Variants in AGTPBP1 observed in about 807,000 individuals in gnomAD.
AGTPBP1 encodes ATP/GTP binding carboxypeptidase 1, also known as cytosolic carboxypeptidase 1.
In AGTPBP1, 70 loss-of-function variants were observed where a neutral mutation model predicts 143.9. The observed-to-expected ratio is 0.49, with a 90% CI of 0.40 to 0.59. The LOEUF (loss-of-function observed/expected upper bound fraction) is 0.59, where lower values mean the gene tolerates loss of function less well. Among genes scored for constraint, AGTPBP1 ranks in the 20% least tolerant of loss-of-function variants. The probability of loss-of-function intolerance (pLI) is 0.00; values close to 1 mark genes in which losing one functional copy is unlikely to be tolerated. For synonymous variants in AGTPBP1, 463 were observed against 500.2 expected (o/e 0.93, Z 0.99); for missense variants, 1,229 against 1,464.5 (o/e 0.84, Z 2.62).
rs761584714 is a variant in AGTPBP1, at chr9:85,579,095, G to A, written c.3167C>T (p.Thr1056Ile). 5.7e-6 allele frequency: 9 copies of A among 1,588,748 alleles called. No homozygotes were observed. In the South Asian group the frequency reaches 9.3e-5, roughly 16 times the overall value. ...CDVVEDTGYRTLPKILSHIAP... is the reference protein window; with the variant it reads ...CDVVEDTGYRILPKILSHIAP... ...GATATGGCTCAGTATCTTAGGCAAT[G>A]TCTGTTAAAAACAAGAATGATGATG... The change falls in exon 24 of 26, where the codon ACA (threonine) becomes ATA (isoleucine). Residue 1056 changes from threonine to isoleucine, a missense_variant and splice_region_variant. Physicochemically the swap from Thr to Ile is moderately conservative, Grantham distance 89 (BLOSUM62 -1). Around this residue, in one of 2 missense-constraint regions of AGTPBP1, gnomAD observed 486 missense variants for 652.3 expected, o/e 0.75. Coordinates refer to ENST00000357081, the MANE Select transcript of AGTPBP1 (RefSeq NM_001330701.2).
intron 13 of AGTPBP1, among the ~76,000 whole-genome samples, chr9:85,639,155 A>G (rs1427846097): frequency 6.6e-6 from 1 of 152,156 alleles, no homozygotes; most frequent in Non-Finnish European, 1.5e-5. Context: ...AAAAGATTTA[A>G]AATTTTTTAT....
chr9:85,798,362 CTTT>C, the AGTPBP1 span, among the ~76,000 whole-genome samples: 3 of 119,282 alleles, frequency 2.5e-5, no homozygotes, highest in Non-Finnish European at 3.7e-5. Context: ...CCTCCAAGTT[CTTT>C]TTTTTTTTTT....
chr9:85,585,863 A>G (rs1282621526), intron 22 of AGTPBP1, among the ~76,000 whole-genome samples: 1 of 152,216 alleles, frequency 6.6e-6, no homozygotes, highest in Non-Finnish European at 1.5e-5. Context: ...AACACATTCC[A>G]TTATAGTTCA....
chr9:85,579,218 A>T, intron 23 of AGTPBP1, 122 bp from the exon 24 acceptor site: 1 of 937,610 alleles, frequency 1.1e-6, no homozygotes, highest in Non-Finnish European at 1.5e-6. Flanking sequence ...ATGTTCTATT[A>T]TATATCCCTT....
intron 1 of AGTPBP1, among the ~76,000 whole-genome samples, chr9:85,736,596 G>C (rs1210889329): frequency 6.6e-6 from 1 of 152,086 alleles, no homozygotes; most frequent in Non-Finnish European, 1.5e-5. Context: ...ACAAGAGACT[G>C]TCACTACCAC....
intron 2 of AGTPBP1, among the ~76,000 whole-genome samples, chr9:85,702,732 A>C (rs1205126726): frequency 6.6e-6 from 1 of 151,876 alleles, no homozygotes; most frequent in Non-Finnish European, 1.5e-5. Context: ...TAACTTGTAT[A>C]AGCTCCTATA....
chr9:85,644,604 TA>T (rs1025309180), intron 12 of AGTPBP1, among the ~76,000 whole-genome samples: 48 of 152,212 alleles, frequency 3.2e-4, no homozygotes, highest in African/African-American at 8.2e-4. Flanking sequence ...TACCACTCCT[TA>T]AAAGTTCTGC....
intron 1 of AGTPBP1, among the ~76,000 whole-genome samples, chr9:85,716,963 AG>A (rs1328198727): frequency 2.6e-5 from 4 of 152,302 alleles, no homozygotes; most frequent in Non-Finnish European, 1.5e-5. Context: ...CCAACATGCC[AG>A]GCTCTCACTT....
chr9:85,765,515 T>C, the AGTPBP1 span, among the ~76,000 whole-genome samples: 1 of 151,926 alleles, frequency 6.6e-6, no homozygotes, highest in Non-Finnish European at 1.5e-5. Context: ...GTTTTAGTTA[T>C]AGTTTTTTAA....
chr9:85,703,794 T>G (rs142037334), intron 2 of AGTPBP1, among the ~76,000 whole-genome samples: 85 of 152,290 alleles, frequency 5.6e-4, no homozygotes, highest in African/African-American at 1.9e-3. Flanking sequence ...GGACACTGTA[T>G]AGGTTAAAAG....
rs186777375 is a variant in AGTPBP1, at chr9:85,681,918, T to A, written c.158-583A>T. 4.0e-3 allele frequency among the ~76,000 whole-genome samples: 607 copies of A among 151,804 alleles called. 2 individuals are homozygous for A. The highest frequency in any genetic ancestry group is 5.7e-3 in the Non-Finnish European group (389 of 67,924). ...GTGTGTGCCACCATGCCCAGCTAAT[T>A]TTTGTATTTTTAGTAGAGACGGGGT... On this transcript the variant is annotated intron_variant, in intron 3 of 25. Coordinates refer to ENST00000357081, the MANE Select transcript of AGTPBP1 (RefSeq NM_001330701.2).
At chr9:85,721,119 G>A (rs946532123) in intron 1 of AGTPBP1, among the ~76,000 whole-genome samples, 2 of 152,178 alleles carry the variant, frequency 1.3e-5, no homozygotes, top group African/African-American at 4.8e-5. Context: ...GTGCAATGAG[G>A]TGCTGAAAAG....
At chr9:85,686,302 AAGG>A (rs1835484925) in intron 3 of AGTPBP1, among the ~76,000 whole-genome samples, 1 of 152,134 alleles carries the variant, frequency 6.6e-6, no homozygotes, top group Non-Finnish European at 1.5e-5. Context: ...GGAAAGCTTG[AAGG>A]GTTATACTAA....
the AGTPBP1 span, among the ~76,000 whole-genome samples, chr9:85,765,660 T>G: frequency 1.3e-5 from 2 of 152,134 alleles, no homozygotes; most frequent in Non-Finnish European, 1.5e-5. Flanking sequence ...GAATCTGAAC[T>G]TCCTCTGCAA....
At chr9:85,585,817 A>G (rs1409224341) in intron 22 of AGTPBP1, among the ~76,000 whole-genome samples, 3 of 152,228 alleles carry the variant, frequency 2.0e-5, no homozygotes, top group Non-Finnish European at 4.4e-5. Context: ...AAGGTCCTAT[A>G]TCATCTTTGT....
At chr9:85,747,580 G>T in the AGTPBP1 span, among the ~76,000 whole-genome samples, 1 of 152,014 alleles carries the variant, frequency 6.6e-6, no homozygotes, top group African/African-American at 2.4e-5. Context: ...TGTACCAGTA[G>T]TATTTTACCT....
At chr9:85,763,415 A>G in the AGTPBP1 span, among the ~76,000 whole-genome samples, 1 of 152,058 alleles carries the variant, frequency 6.6e-6, no homozygotes, top group Non-Finnish European at 1.5e-5. Context: ...GATTGAAAAG[A>G]TTTCCTGATA....
rs1015597786 is a variant in AGTPBP1, at chr9:85,671,585, C to T, written c.568+965G>A. ...ATACGCAATATACACACATATCTAG[C>T]ACTCTATCATTATTTTGCAATGATA... On this transcript the variant is annotated intron_variant, in intron 7 of 25. Coordinates refer to ENST00000357081, the MANE Select transcript of AGTPBP1 (RefSeq NM_001330701.2). 3.9e-5 allele frequency among the ~76,000 whole-genome samples: 6 copies of T among 152,090 alleles called. 1 individual carries two copies. Among genetic ancestry groups the T allele is most frequent in the Non-Finnish European group, 7.4e-5 (5 of 68,026 alleles).
At chr9:85,590,193 CA>C (rs1828867564) in intron 19 of AGTPBP1, among the ~76,000 whole-genome samples, 1 of 151,762 alleles carries the variant, frequency 6.6e-6, no homozygotes, top group Non-Finnish European at 1.5e-5. Context: ...GTCTGAAAGA[CA>C]GCAAAAAAAT....
Sources: gnomAD v4.1 joint callset for allele counts (sites outside exome capture counted in the v4.1 genomes callset) on GRCh38, gnomAD v4.1.1 for gene constraint, gnomAD v4.1.1 regional missense constraint, MANE v1.5 for transcripts, NCBI Gene and HGNC (gene_info 2026-07-23, HGNC 2026-07-21) for gene names.